SHISAL2B: variants seen among roughly 807,000 people sequenced by gnomAD.
SHISAL2B encodes shisa like 2B.
SHISAL2B carries 12 observed loss-of-function variants against 16.5 expected under a neutral mutation model. That is an observed-to-expected ratio of 0.73 (90% CI 0.47 to 1.18). SHISAL2B has a LOEUF of 1.18. SHISAL2B is among the 50% of genes most tolerant of loss of function. The pLI is 0.00. For missense variants in SHISAL2B, 183 were observed against 193.6 expected, an observed-to-expected ratio of 0.95 and a Z score of 0.33; for synonymous variants, 72 against 75.0, an observed-to-expected ratio of 0.96 and a Z score of 0.21.
chr5:64,695,357 G>A (rs772834919), intron 1 of SHISAL2B, 150 bp from the exon 2 acceptor site: 1 of 517,202 alleles, frequency 1.9e-6, no homozygotes, highest in Non-Finnish European at 3.3e-6. Context: ...AAGGTGAACT[G>A]TAGATTTCAA....
intron 2 of SHISAL2B, among the ~76,000 whole-genome samples, chr5:64,697,800 T>C (rs1468114837): frequency 3.3e-5 from 5 of 152,238 alleles, no homozygotes; most frequent in Non-Finnish European, 2.9e-5. Flanking sequence ...CCCACCCATA[T>C]GCTCTATTTT....
intron 2 of SHISAL2B, among the ~76,000 whole-genome samples, chr5:64,715,834 G>C (rs571011120): frequency 1.3e-5 from 2 of 152,028 alleles, no homozygotes; most frequent in Non-Finnish European, 2.9e-5. Flanking sequence ...GATATCTCAG[G>C]CATGATATTT....
chr5:64,708,640 A>G lies in SHISAL2B; in HGVS notation c.350-9249A>G, dbSNP rs145829343. On this transcript the variant is annotated intron_variant, in intron 2 of 2. Coordinates refer to ENST00000389074, the MANE Select transcript of SHISAL2B (RefSeq NM_001164442.2). ...CTTGTATATTATTTGTTAAATTTGAATCTAATTTTTAGAAAATGTTTACTT... is the reference window on the plus strand; with the variant it reads ...CTTGTATATTATTTGTTAAATTTGAGTCTAATTTTTAGAAAATGTTTACTT... 5.3e-5 allele frequency among the ~76,000 whole-genome samples: 8 copies of G among 152,288 alleles called. No homozygotes were observed. In the East Asian group the frequency reaches 1.3e-3, roughly 26 times the overall value.
intron 2 of SHISAL2B, among the ~76,000 whole-genome samples, chr5:64,713,262 T>TTGTC (rs1278573051): frequency 1.4e-5 from 2 of 148,100 alleles, no homozygotes; most frequent in East Asian, 3.9e-4. Context: ...CAGCATTTGC[T>TTGTC]TGTCTGTAAA....
intron 1 of SHISAL2B, among the ~76,000 whole-genome samples, chr5:64,692,098 G>A (rs1290179813): frequency 6.6e-6 from 1 of 152,108 alleles, no homozygotes; most frequent in African/African-American, 2.4e-5. Context: ...AATAATGATA[G>A]CTTATCCTTA....
chr5:64,715,351 T>G (rs929709660), intron 2 of SHISAL2B, among the ~76,000 whole-genome samples: 1 of 151,714 alleles, frequency 6.6e-6, no homozygotes, highest in African/African-American at 2.4e-5. Flanking sequence ...AAGAAGAGGA[T>G]GTACAGTAGC....
chr5:64,701,037 TG>T (rs1741802319), intron 2 of SHISAL2B, among the ~76,000 whole-genome samples: 1 of 152,216 alleles, frequency 6.6e-6, no homozygotes, highest in African/African-American at 2.4e-5. Flanking sequence ...AGATTAGCAC[TG>T]GTCCATGGCC....
chr5:64,701,678 G>C (rs994728267), intron 2 of SHISAL2B, among the ~76,000 whole-genome samples: 2 of 152,192 alleles, frequency 1.3e-5, no homozygotes, highest in Non-Finnish European at 2.9e-5. Context: ...GCCTGTATTT[G>C]ATGTTCTCTT....
intron 1 of SHISAL2B, among the ~76,000 whole-genome samples, chr5:64,693,066 G>C (rs1364714027): frequency 6.6e-6 from 1 of 151,394 alleles, no homozygotes; most frequent in Non-Finnish European, 1.5e-5. Context: ...GGAGTGCAGT[G>C]GCGCAATCTC....
chr5:64,712,932 T>C (rs1741980245), intron 2 of SHISAL2B, among the ~76,000 whole-genome samples: 1 of 152,046 alleles, frequency 6.6e-6, no homozygotes, highest in African/African-American at 2.4e-5. Context: ...CCTATGTGTG[T>C]CTCTGCATGT....
At chr5:64,696,959 TA>T (rs1741747345) in intron 2 of SHISAL2B, among the ~76,000 whole-genome samples, 1 of 152,190 alleles carries the variant, frequency 6.6e-6, no homozygotes, top group African/African-American at 2.4e-5. Flanking sequence ...CCTATTCGTA[TA>T]CCCCCTCCCC....
intron 2 of SHISAL2B, among the ~76,000 whole-genome samples, chr5:64,700,541 G>A (rs926327393): frequency 1.3e-5 from 2 of 152,066 alleles, no homozygotes; most frequent in Non-Finnish European, 2.9e-5. Context: ...CTCCCGAGTA[G>A]CTGAGACTAC....
chr5:64,709,796 G>A (rs1011996232), intron 2 of SHISAL2B, among the ~76,000 whole-genome samples: 5 of 152,220 alleles, frequency 3.3e-5, no homozygotes, highest in African/African-American at 1.2e-4. Flanking sequence ...CAGTGATGAT[G>A]AGCATTTTTT....
intron 2 of SHISAL2B, among the ~76,000 whole-genome samples, chr5:64,702,739 G>A (rs1174826229): frequency 1.3e-5 from 2 of 151,894 alleles, no homozygotes; most frequent in African/African-American, 4.8e-5. Flanking sequence ...TACTCCTGGA[G>A]CTTTAATTTT....
intron 2 of SHISAL2B, among the ~76,000 whole-genome samples, chr5:64,708,056 T>A (rs1303960311): frequency 6.6e-6 from 1 of 152,166 alleles, no homozygotes; most frequent in African/African-American, 2.4e-5. Flanking sequence ...TTACTAGCAA[T>A]TTTTTACTTC....
chr5:64,714,384 G>A (rs985677742), intron 2 of SHISAL2B, among the ~76,000 whole-genome samples: 13 of 147,862 alleles, frequency 8.8e-5, no homozygotes, highest in East Asian at 4.0e-4. Context: ...ACTTGAGGAG[G>A]CAGTCTGCCT....
At chr5:64,701,836 A>G (rs1741812814) in intron 2 of SHISAL2B, among the ~76,000 whole-genome samples, 4 of 152,252 alleles carry the variant, frequency 2.6e-5, no homozygotes, top group Admixed American at 2.6e-4. Flanking sequence ...GCCTGTAAGC[A>G]AAACAGGATT....
chr5:64,701,571 G>C (rs1741810436), intron 2 of SHISAL2B, among the ~76,000 whole-genome samples: 1 of 152,122 alleles, frequency 6.6e-6, no homozygotes, highest in African/African-American at 2.4e-5. Flanking sequence ...AGGGTTCTTA[G>C]AAGCAGAATT....
At chr5:64,711,329 C>T (rs938883393) in intron 2 of SHISAL2B, among the ~76,000 whole-genome samples, 1 of 148,914 alleles carries the variant, frequency 6.7e-6, no homozygotes, top group Non-Finnish European at 1.5e-5. Flanking sequence ...TGTTTATATG[C>T]TGGATTACAT....
Sources: gnomAD v4.1 joint callset for allele counts (sites outside exome capture counted in the v4.1 genomes callset) on GRCh38, gnomAD v4.1.1 for gene constraint, MANE v1.5 for transcripts, NCBI Gene and HGNC (gene_info 2026-07-23, HGNC 2026-07-21) for gene names.